The following KCNN2 variants were observed in gnomAD, a reference collection of about 807,000 sequenced individuals.
KCNN2 encodes small conductance calcium-activated potassium channel protein 2.
KCNN2 carries 24 observed loss-of-function variants against 55.5 expected under a neutral mutation model. The observed-to-expected ratio is 0.43, with a 90% confidence interval of 0.31 to 0.61. KCNN2 has a LOEUF of 0.61. Ranked by LOEUF, KCNN2 falls within the 20% of genes least tolerant of loss-of-function variation. KCNN2 has a pLI of 0.08. For synonymous variants in KCNN2, 431 were observed against 336.1 expected, an observed-to-expected ratio of 1.28 and a Z score of -3.09; for missense variants, 754 against 853.6, an observed-to-expected ratio of 0.88 and a Z score of 1.45.
rs76849623 is a variant in KCNN2 at position 114,265,970 on chromosome 5, A to T, written c.-185+44405A>T. Among the ~76,000 whole-genome samples the T allele has an allele frequency of 7.2e-3, 1,094 of 152,282 alleles. 20 individuals carry two copies. The highest frequency in any genetic ancestry group is 0.024 in the African/African-American group (989 of 41,562). ...AATAGCCTCTAGAGTATCACTGTCCATTAGAGATAGAGGGCAGTTTACATA... is the reference window on the plus strand; with the variant it reads ...AATAGCCTCTAGAGTATCACTGTCCTTTAGAGATAGAGGGCAGTTTACATA... On this transcript the variant is annotated intron_variant, in intron 2 of 10. Transcript: ENST00000512097.
intron 2 of KCNN2, among the ~76,000 whole-genome samples, chr5:114,270,324 G>T (rs1755302411): frequency 6.6e-6 from 1 of 152,140 alleles, no homozygotes; most frequent in South Asian, 2.1e-4. Flanking sequence ...TCAAATTTCA[G>T]TCTTTAGGAC....
chr5:114,222,128 A>G (rs1336719680), intron 2 of KCNN2, among the ~76,000 whole-genome samples: 1 of 152,220 alleles, frequency 6.6e-6, no homozygotes, highest in East Asian at 1.9e-4. Flanking sequence ...CAGTGAAAGT[A>G]TATCCAAAGC....
chr5:114,406,758 A>G (rs1758949203), intron 3 of KCNN2, among the ~76,000 whole-genome samples: 1 of 152,168 alleles, frequency 6.6e-6, no homozygotes, highest in Admixed American at 6.5e-5. Context: ...CCTTTTTTGT[A>G]TGCTCAGTAG....
chr5:114,158,405 G>A (rs985554352), intron 1 of KCNN2, among the ~76,000 whole-genome samples: 1 of 152,054 alleles, frequency 6.6e-6, no homozygotes, highest in Non-Finnish European at 1.5e-5. Context: ...GGTTACTGTA[G>A]CCTTGTAGTA....
chr5:114,453,783 A>T (rs1415003187), intron 3 of KCNN2, among the ~76,000 whole-genome samples: 3 of 152,052 alleles, frequency 2.0e-5, no homozygotes, highest in Non-Finnish European at 2.9e-5. Context: ...GTATAGTTGT[A>T]TTCCACTTTT....
chr5:114,118,306 A>C (rs1751758201), intron 1 of KCNN2, among the ~76,000 whole-genome samples: 1 of 152,092 alleles, frequency 6.6e-6, no homozygotes. Flanking sequence ...ACACATACAC[A>C]CACTCTCTCA....
At chr5:114,152,121 A>G (rs960851490) in intron 1 of KCNN2, among the ~76,000 whole-genome samples, 4 of 152,202 alleles carry the variant, frequency 2.6e-5, no homozygotes, top group Non-Finnish European at 4.4e-5. Context: ...GTGCTTTGGC[A>G]TAGCAATAAA....
upstream of KCNN2, among the ~76,000 whole-genome samples, chr5:114,358,621 C>A (rs977666301): frequency 2.0e-5 from 3 of 151,474 alleles, no homozygotes; most frequent in Admixed American, 1.3e-4. Context: ...GAAAGCTTAT[C>A]ACTGGAAGTC....
intron 1 of KCNN2, among the ~76,000 whole-genome samples, chr5:114,151,323 T>C (rs979251501): frequency 4.6e-5 from 7 of 152,244 alleles, no homozygotes; most frequent in East Asian, 1.9e-4. Context: ...TGGCAGTGGG[T>C]TGGGGACAGG....
At chr5:114,387,653 T>G (rs1758325574) in intron 2 of KCNN2, among the ~76,000 whole-genome samples, 1 of 152,174 alleles carries the variant, frequency 6.6e-6, no homozygotes, top group South Asian at 2.1e-4. Flanking sequence ...ATCATTCTGG[T>G]CACTTTGTTC....
chr5:114,420,921 A>C (rs1309202267), intron 3 of KCNN2, among the ~76,000 whole-genome samples: 1 of 152,160 alleles, frequency 6.6e-6, no homozygotes, highest in East Asian at 1.9e-4. Context: ...AAGTTAGGTA[A>C]AAATAATATT....
At chr5:114,284,678 C>T (rs1301098505) in intron 2 of KCNN2, among the ~76,000 whole-genome samples, 2 of 152,004 alleles carry the variant, frequency 1.3e-5, no homozygotes, top group African/African-American at 4.8e-5. Context: ...CCACCATACC[C>T]AGCTAATTTT....
Position 114,362,847 on chromosome 5 carries a change from G to C in KCNN2, c.708G>C (p.Leu236=), listed in dbSNP as rs40179. 0.47 allele frequency: 749,176 copies of C among 1,598,700 alleles called. 181,321 individuals are homozygous for C. Among genetic ancestry groups the C allele is most frequent in the East Asian group, 0.87 (38,930 of 44,640 alleles). The change falls in exon 1 of 8, where the codon CTG becomes CTC. Residue 236 remains leucine (L), a synonymous_variant. Transcript: ENST00000673685. ...LSNLSASRRN[L]HEMDSEAQPL... is the part of the protein sequence containing the mutation. ...ACTTGAGCGCGTCCCGCCGGAACCT[G>C]CACGAGATGGACTCAGAGGCGCAGC...
chr5:114,284,049 G>A (rs1396481504), intron 2 of KCNN2, among the ~76,000 whole-genome samples: 9 of 152,268 alleles, frequency 5.9e-5, no homozygotes, highest in African/African-American at 2.2e-4. Flanking sequence ...TGTTTCTGGT[G>A]ACTTCAGGAC....
intron 1 of KCNN2, among the ~76,000 whole-genome samples, chr5:114,197,900 C>T (rs1195973954): frequency 2.0e-5 from 3 of 152,076 alleles, no homozygotes; most frequent in African/African-American, 7.2e-5. Context: ...AATAGGTTTC[C>T]TTGAATGAAT....
chr5:114,153,210 G>A (rs1397727391), intron 1 of KCNN2, among the ~76,000 whole-genome samples: 1 of 152,122 alleles, frequency 6.6e-6, no homozygotes, highest in Non-Finnish European at 1.5e-5. Context: ...TGTCAGGTCT[G>A]GAAGTACTGT....
chr5:114,265,728 A>T (rs903827895), intron 2 of KCNN2, among the ~76,000 whole-genome samples: 1 of 152,196 alleles, frequency 6.6e-6, no homozygotes, highest in African/African-American at 2.4e-5. Context: ...CAACCAGAAT[A>T]ATGTTTGGCT....
intron 1 of KCNN2, among the ~76,000 whole-genome samples, chr5:114,121,099 G>A (rs757851767): frequency 6.6e-6 from 1 of 152,188 alleles, no homozygotes; most frequent in Non-Finnish European, 1.5e-5. Context: ...CCTGAACCTG[G>A]GTTGGAACAT....
At chr5:114,125,069 C>A (rs1160709492) in intron 1 of KCNN2, among the ~76,000 whole-genome samples, 2 of 152,152 alleles carry the variant, frequency 1.3e-5, no homozygotes, top group East Asian at 1.9e-4. Flanking sequence ...ATAAATAAAA[C>A]CTCAACTAAA....
Sources: gnomAD v4.1 joint callset for allele counts (sites outside exome capture counted in the v4.1 genomes callset) on GRCh38, gnomAD v4.1.1 for gene constraint, MANE v1.5 for transcripts, NCBI Gene and HGNC (gene_info 2026-07-23, HGNC 2026-07-21) for gene names.